Variants in NELL1 observed in about 807,000 individuals in gnomAD.
The protein encoded by NELL1 is protein kinase C-binding protein NELL1.
NELL1 carries 76 observed loss-of-function variants against 107.4 expected under a neutral mutation model. The observed-to-expected ratio is 0.71, with a 90% CI of 0.59 to 0.86. The LOEUF is 0.86. Among genes scored for constraint, NELL1 ranks in the 40% least tolerant of loss-of-function variants. The probability of loss-of-function intolerance (pLI) is 0.00; values close to 1 mark genes in which losing one functional copy is unlikely to be tolerated. For synonymous variants in NELL1, 353 were observed against 341.2 expected (o/e 1.03, Z -0.38); for missense variants, 1,024 against 1,005.5 (o/e 1.02, Z -0.25).
intron 14 of NELL1, among the ~76,000 whole-genome samples, chr11:21,312,668 T>C (rs1849774830): frequency 6.8e-6 from 1 of 147,028 alleles, no homozygotes; most frequent in African/African-American, 2.7e-5. Flanking sequence ...GTAGATTAAG[T>C]CTCAGCAATG....
intron 3 of NELL1, among the ~76,000 whole-genome samples, chr11:20,836,445 T>G (rs1843402456): frequency 6.6e-6 from 1 of 152,190 alleles, no homozygotes; most frequent in Non-Finnish European, 1.5e-5. Context: ...ATTGCACTTC[T>G]AGGTATTTAC....
intron 2 of NELL1, among the ~76,000 whole-genome samples, chr11:20,751,898 C>T (rs1856149511): frequency 6.6e-6 from 1 of 152,018 alleles, no homozygotes; most frequent in Non-Finnish European, 1.5e-5. Flanking sequence ...TTGCAATTAA[C>T]TTTTATATAT....
At chr11:21,347,584 A>G (rs1850712920) in intron 14 of NELL1, among the ~76,000 whole-genome samples, 1 of 152,238 alleles carries the variant, frequency 6.6e-6, no homozygotes, top group African/African-American at 2.4e-5. Context: ...GCTGGGCAAC[A>G]AGAGCAAAAC....
chr11:21,460,169 A>G (rs1313515874), intron 15 of NELL1, among the ~76,000 whole-genome samples: 4 of 152,014 alleles, frequency 2.6e-5, no homozygotes, highest in Non-Finnish European at 5.9e-5. Flanking sequence ...AAGACCAGAA[A>G]TGGACAAAAG....
chr11:20,878,513 G>A (rs1008066939), intron 4 of NELL1, among the ~76,000 whole-genome samples: 9 of 151,888 alleles, frequency 5.9e-5, no homozygotes, highest in Non-Finnish European at 8.8e-5. Flanking sequence ...TCTCTTTTCC[G>A]GGTGAGAGAC....
intron 13 of NELL1, among the ~76,000 whole-genome samples, chr11:21,180,473 T>G (rs986072887): frequency 6.6e-6 from 1 of 151,784 alleles, no homozygotes; most frequent in African/African-American, 2.4e-5. Flanking sequence ...TTCTGAACAA[T>G]CAGAAAATGC....
chr11:21,415,464 C>A (rs1013286559), intron 15 of NELL1, among the ~76,000 whole-genome samples: 15 of 152,076 alleles, frequency 9.9e-5, no homozygotes, highest in Admixed American at 2.6e-4. Flanking sequence ...TGACAACTTT[C>A]TCTTCTTGTT....
chr11:21,136,914 A>C (rs998018384), intron 13 of NELL1, among the ~76,000 whole-genome samples: 1 of 152,234 alleles, frequency 6.6e-6, no homozygotes, highest in African/African-American at 2.4e-5. Flanking sequence ...CAGTCTCACC[A>C]GTAAAGAAGA....
chr11:21,173,688 A>G (rs1487243075), intron 13 of NELL1, among the ~76,000 whole-genome samples: 2 of 151,730 alleles, frequency 1.3e-5, no homozygotes, highest in African/African-American at 4.9e-5. Context: ...TGTGCCTGAC[A>G]TATGGTGGGT....
intron 13 of NELL1, among the ~76,000 whole-genome samples, chr11:21,154,864 C>T (rs577822306): frequency 6.6e-5 from 10 of 152,148 alleles, no homozygotes; most frequent in East Asian, 5.8e-4. Flanking sequence ...GAAAGAAGGA[C>T]GTGATGAGCA....
At chr11:21,146,342 CA>C (rs1208949938) in intron 13 of NELL1, among the ~76,000 whole-genome samples, 1 of 152,066 alleles carries the variant, frequency 6.6e-6, no homozygotes, top group Non-Finnish European at 1.5e-5. Context: ...ATGAGATAAA[CA>C]GTGCTAATTT....
chr11:21,337,804 C>A (rs1168540869), intron 14 of NELL1, among the ~76,000 whole-genome samples: 14 of 70,424 alleles, frequency 2.0e-4, no homozygotes, highest in African/African-American at 6.6e-4. Flanking sequence ...TTCCTTCTTT[C>A]TTTCTTGCTT....
intron 12 of NELL1, among the ~76,000 whole-genome samples, chr11:21,081,358 A>G (rs987431229): frequency 6.6e-6 from 1 of 152,096 alleles, no homozygotes; most frequent in African/African-American, 2.4e-5. Context: ...GAAGTTTTCT[A>G]GGCTTCCAAC....
chr11:21,074,136 A>G (rs141953450), intron 12 of NELL1, among the ~76,000 whole-genome samples: 272 of 152,202 alleles, frequency 1.8e-3, no homozygotes, highest in African/African-American at 6.2e-3. Flanking sequence ...GATTCTTGCG[A>G]CTCAAGATGT....
chr11:20,991,610 T>G (rs1194925368), intron 12 of NELL1, among the ~76,000 whole-genome samples: 1 of 152,224 alleles, frequency 6.6e-6, no homozygotes, highest in Non-Finnish European at 1.5e-5. Flanking sequence ...GGAGAAGGCA[T>G]GTCTGGCCAG....
chr11:21,247,637 T>C (rs1858528616), intron 14 of NELL1, among the ~76,000 whole-genome samples: 1 of 152,200 alleles, frequency 6.6e-6, no homozygotes, highest in Admixed American at 6.5e-5. Flanking sequence ...CGTGGGGTAT[T>C]TTGTGGTTAA....
At chr11:21,450,278 G>A (rs190511701) in intron 15 of NELL1, among the ~76,000 whole-genome samples, 35 of 152,214 alleles carry the variant, frequency 2.3e-4, no homozygotes, top group African/African-American at 8.2e-4. Flanking sequence ...TAATGTCATT[G>A]TAATCACTCT....
At chr11:20,718,610 T>TC (rs1855308225) in intron 2 of NELL1, among the ~76,000 whole-genome samples, 1 of 152,178 alleles carries the variant, frequency 6.6e-6, no homozygotes, top group South Asian at 2.1e-4. Flanking sequence ...CTTTTAGGTG[T>TC]CAAACCTAAA....
At chr11:21,410,616 G>A (rs1458207007) in intron 15 of NELL1, among the ~76,000 whole-genome samples, 1 of 151,994 alleles carries the variant, frequency 6.6e-6, no homozygotes, top group Non-Finnish European at 1.5e-5. Flanking sequence ...GTGGATTTCT[G>A]TTTATGGTAT....
Sources: gnomAD v4.1 joint callset for allele counts (sites outside exome capture counted in the v4.1 genomes callset) on GRCh38, gnomAD v4.1.1 for gene constraint, MANE v1.5 for transcripts, NCBI Gene and HGNC (gene_info 2026-07-23, HGNC 2026-07-21) for gene names.